SLC6A17: variants seen among roughly 807,000 people sequenced by gnomAD.
The protein encoded by SLC6A17 is solute carrier family 6 member 17, also known as sodium-dependent neutral amino acid transporter SLC6A17.
SLC6A17 carries 21 observed loss-of-function variants against 64.5 expected under a neutral mutation model. The ratio of observed to expected loss-of-function variants is 0.33; its 90% CI spans 0.23 to 0.47. The LOEUF (loss-of-function observed/expected upper bound fraction) is 0.47, where lower values mean the gene tolerates loss of function less well. Among genes scored for constraint, SLC6A17 ranks in the 20% least tolerant of loss-of-function variants. SLC6A17 has a pLI of 1.00. For synonymous variants in SLC6A17, 372 were observed against 399.5 expected (o/e 0.93, Z 0.82); for missense variants, 682 against 963.2 (o/e 0.71, Z 3.86).
chr1:110,192,285 C>T lies in SLC6A17; in HGVS notation c.1106+72C>T, dbSNP rs1260261934. On this transcript the variant is annotated intron_variant, in intron 7 of 11. Coordinates refer to ENST00000331565, the MANE Select transcript of SLC6A17 (RefSeq NM_001010898.4). The surrounding 1 kb of genome is among the most constrained non-coding windows in gnomAD (Gnocchi z 4.3). ...ACCTGGGAGTGGGCAGGGGTGGGGG[C>T]GCAGGTGTGCATGGGGAGAGAGGTC... 8.3e-6 allele frequency: 13 copies of T among 1,557,958 alleles called. No individual in the cohort carries two copies. Among genetic ancestry groups the T allele is most frequent in the East Asian group, 2.3e-5 (1 of 44,372 alleles).
At position 110,162,545 on chromosome 1, in the gene SLC6A17, A is replaced by G. The variant is rs1655941645; in HGVS notation, c.-87-4298A>G. Among the ~76,000 whole-genome samples the G allele has an allele frequency of 2.6e-5, 4 of 152,270 alleles. No individual in the cohort carries two copies. In the South Asian group the frequency reaches 8.3e-4, roughly 32 times the overall value. On this transcript the variant is annotated intron_variant, in intron 1 of 11. Transcript: ENST00000331565. ...TGCCTGGATTATGGCTGGTTCCATG[A>G]GATACATGGGTACGGGAAGAGAGGA... is the stretch of plus-strand genomic sequence containing the variant.
At chr1:110,161,961 A>G (rs1367804522) in intron 1 of SLC6A17, among the ~76,000 whole-genome samples, 2 of 152,190 alleles carry the variant, frequency 1.3e-5, no homozygotes, top group African/African-American at 4.8e-5. Flanking sequence ...TCTCCTTTCA[A>G]GAAGATTCGC....
intron 6 of SLC6A17, among the ~76,000 whole-genome samples, chr1:110,186,433 G>T (rs1377273443): frequency 8.9e-6 from 1 of 112,856 alleles, no homozygotes; most frequent in Non-Finnish European, 1.9e-5. Context: ...AGATAAAAAA[G>T]GAAATAATTA....
chr1:110,175,100 TATC>T, intron 5 of SLC6A17, 140 bp downstream of exon 5: 1 of 1,105,738 alleles, frequency 9.0e-7, no homozygotes, highest in Middle Eastern at 3.1e-4. Context: ...GGTGTGGAAG[TATC>T]ATTCCTATAG....
intron 6 of SLC6A17, 137 bp from the exon 7 acceptor site, chr1:110,191,835 C>T: frequency 7.0e-7 from 1 of 1,418,528 alleles, no homozygotes; most frequent in African/African-American, 1.4e-5. Flanking sequence ...GGGAAATTGC[C>T]CAAGTTCACA....
intron 2 of SLC6A17, among the ~76,000 whole-genome samples, chr1:110,169,801 C>T (rs538441234): frequency 7.2e-5 from 11 of 152,264 alleles, no homozygotes; most frequent in Admixed American, 2.6e-4. Flanking sequence ...TTTTCTAAGG[C>T]GGAAGAGGAT....
Position 110,192,657 on chromosome 1 carries a change from C to T in SLC6A17, c.1258C>T (p.Leu420=), listed in dbSNP as rs762642318. 29 of 1,613,982 alleles carry T rather than the reference C, an allele frequency of 1.8e-5. No individual in the cohort carries two copies. In the East Asian group the frequency reaches 6.0e-4, roughly 33 times the overall value. The change falls in exon 8 of 12, where the codon CTG becomes TTG. Residue 420 remains leucine (L), a synonymous_variant. Coordinates refer to ENST00000331565, the MANE Select transcript of SLC6A17 (RefSeq NM_001010898.4). The surrounding 1 kb of genome is among the most constrained non-coding windows in gnomAD (Gnocchi z 4.3). ...MTVKEDQFSA[L]GLDPCLLEDE... is the part of the protein sequence containing the mutation. Reference sequence around the variant, plus strand: ...CGTGAAGGAGGACCAGTTCTCAGCCCTGGGCCTTGACCCCTGCCTTCTGGA... The same window carrying T: ...CGTGAAGGAGGACCAGTTCTCAGCCTTGGGCCTTGACCCCTGCCTTCTGGA...
Position 110,174,080 on chromosome 1 carries a change from C to G in SLC6A17, c.552C>G (p.Val184=). ...TGCCCTGGAGTGAATGTCCTGTCGT[C>G]AGGAATGGGAGCGTGGCAGGCAAGT... The part of the protein sequence containing the change: ...YPLPWSECPV[V]RNGSVAVVEA... Residue 184 remains valine (V), a synonymous_variant, in exon 4 of 12, where the codon GTC becomes GTG. Transcript: ENST00000331565. 1.9e-6 allele frequency: 3 copies of G among 1,614,108 alleles called. No homozygotes were observed. The highest frequency in any genetic ancestry group is 2.5e-6 in the Non-Finnish European group (3 of 1,179,982).
At chr1:110,172,475 A>G (rs1656268473) in intron 3 of SLC6A17, 1 of 468,412 alleles carries the variant, frequency 2.1e-6, no homozygotes, top group Non-Finnish European at 3.8e-6. Context: ...GCTGGGACAT[A>G]TTCACATGGG....
Position 110,151,331 on chromosome 1 carries a change from A to C in SLC6A17, c.-88+448A>C, listed in dbSNP as rs550339283. Reference sequence around the variant, plus strand: ...ACCCCAGCCCCAGCCGCTCGGCCTCAGGCCTGTGACCTTGACAGTAACATT... The same window carrying C: ...ACCCCAGCCCCAGCCGCTCGGCCTCCGGCCTGTGACCTTGACAGTAACATT... On this transcript the variant is annotated intron_variant, in intron 1 of 11. Coordinates refer to ENST00000331565, the MANE Select transcript of SLC6A17 (RefSeq NM_001010898.4). 6.6e-5 allele frequency among the ~76,000 whole-genome samples: 10 copies of C among 152,378 alleles called. No homozygotes were observed. The South Asian group carries it at 2.1e-3, about 32-fold the overall frequency.
At position 110,199,612 on chromosome 1, in the gene SLC6A17, C is replaced by T. The variant is rs1657065310; in HGVS notation, c.*1168C>T. On this transcript the variant is annotated 3_prime_UTR_variant, in exon 12 of 12. Transcript: ENST00000331565. ...TGTGCAGACACCTTGGAAACCTTTC[C>T]CAAGCCTTCCTGGCCCACAGTGGCC... The T allele has an allele frequency of 2.2e-5, 5 of 222,432 alleles. 1 individual carries two copies. In the East Asian group the frequency reaches 3.5e-4, roughly 16 times the overall value. 13.8% of individuals were successfully genotyped at this position (222,432 alleles called of 1,614,324 possible).
intron 10 of SLC6A17, among the ~76,000 whole-genome samples, chr1:110,196,915 A>G (rs1352713499): frequency 6.6e-6 from 1 of 152,242 alleles, no homozygotes; most frequent in Non-Finnish European, 1.5e-5. Flanking sequence ...AATAGAAAGT[A>G]ATGCAAGATT....
chr1:110,179,346 C>T (rs1266647320), intron 6 of SLC6A17, among the ~76,000 whole-genome samples: 1 of 152,190 alleles, frequency 6.6e-6, no homozygotes, highest in Non-Finnish European at 1.5e-5. Flanking sequence ...TCAATGTTGA[C>T]TAAATTGCAC....
intron 1 of SLC6A17, among the ~76,000 whole-genome samples, chr1:110,152,160 G>C (rs541012310): frequency 8.7e-4 from 133 of 152,302 alleles, no homozygotes; most frequent in African/African-American, 2.7e-3. Context: ...GCTCTGTGAG[G>C]CGGACCCATC....
intron 10 of SLC6A17, among the ~76,000 whole-genome samples, chr1:110,196,604 A>G (rs1656976815): frequency 2.0e-5 from 3 of 152,230 alleles, no homozygotes; most frequent in South Asian, 2.1e-4. Context: ...ATGTCCCTGT[A>G]TGTTACTTTA....
intron 9 of SLC6A17, chr1:110,195,031 C>T: frequency 1.9e-6 from 1 of 532,124 alleles, no homozygotes; most frequent in South Asian, 2.0e-5. Flanking sequence ...TGCCCCTCTC[C>T]CCAAGGGCCT....
chr1:110,176,303 G>A (rs1187816010), intron 5 of SLC6A17, among the ~76,000 whole-genome samples: 1 of 152,106 alleles, frequency 6.6e-6, no homozygotes, highest in Non-Finnish European at 1.5e-5. Flanking sequence ...TGAGACATGG[G>A]AGAATGAGGA....
At position 110,198,665 on chromosome 1, in the gene SLC6A17, C is replaced by T; in HGVS notation, c.*221C>T. 3 of 707,968 alleles carry T rather than the reference C, an allele frequency of 4.2e-6. No homozygotes were observed. Among genetic ancestry groups the T allele is most frequent in the South Asian group, 2.4e-5 (1 of 41,512 alleles). The allele number at this position is 707,968 out of a possible 1,614,324, so 43.9% of individuals were successfully genotyped here. ...CTCTGTTTCCTAATTCAGGACCCCACTCATCTAGCCCTCCAAGAGCCTCCG... is the reference window on the plus strand; with the variant it reads ...CTCTGTTTCCTAATTCAGGACCCCATTCATCTAGCCCTCCAAGAGCCTCCG... On this transcript the variant is annotated 3_prime_UTR_variant, in exon 12 of 12. Transcript: ENST00000331565.
chr1:110,194,369 A>G (rs1488909738), intron 8 of SLC6A17, among the ~76,000 whole-genome samples: 1 of 152,182 alleles, frequency 6.6e-6, no homozygotes, highest in East Asian at 1.9e-4. Context: ...TGAACTCCCA[A>G]GTTGGTGTTT....
Sources: allele counts gnomAD v4.1 joint callset (sites outside exome capture counted in the v4.1 genomes callset), GRCh38; gene constraint gnomAD v4.1.1; non-coding constraint Gnocchi (gnomAD v3.1); transcripts MANE v1.5; gene names NCBI Gene and HGNC (gene_info 2026-07-23, HGNC 2026-07-21).